The following AFMID variants were observed in gnomAD, a reference collection of about 807,000 sequenced individuals.
AFMID encodes kynurenine formamidase.
In AFMID, 39 loss-of-function variants were observed where a neutral mutation model predicts 47.5. The ratio of observed to expected loss-of-function variants is 0.82; its 90% confidence interval spans 0.64 to 1.07. AFMID has a LOEUF of 1.07. Among genes scored for constraint, AFMID ranks in the 50% least tolerant of loss-of-function variants. The probability of loss-of-function intolerance (pLI) is 0.00; values close to 1 mark genes in which losing one functional copy is unlikely to be tolerated. For synonymous variants in AFMID, 130 were observed against 153.2 expected (o/e 0.85, Z 1.12); for missense variants, 375 against 387.5 (o/e 0.97, Z 0.27).
intron 2 of AFMID, chr17:78,197,366 A>T: frequency 1.5e-6 from 1 of 659,540 alleles, no homozygotes; most frequent in Non-Finnish European, 2.6e-6. Flanking sequence ...GTGGTATGGT[A>T]ATGGATGTAC....
rs753984885 is a variant in AFMID, at chr17:78,207,056, GTGTC to G, written c.*126_*129del. The G allele has an allele frequency of 3.7e-6, 4 of 1,083,726 alleles. No individual in the cohort carries two copies. The highest frequency in any genetic ancestry group is 2.4e-5 in the East Asian group (1 of 42,270). 67.1% of individuals were successfully genotyped at this position (1,083,726 alleles called of 1,614,324 possible). ...CCCCAGCACCCAGGAGAGCCTTGCT[GTGTC>G]TGTCTGCCCGGCAAGAGTCCATTCT... On this transcript the variant is annotated 3_prime_UTR_variant, in exon 11 of 11. Coordinates refer to ENST00000409257, the MANE Select transcript of AFMID (RefSeq NM_001010982.5).
Position 78,190,972 on chromosome 17 carries a change from G to T in AFMID, c.66G>T (p.Glu22Asp). 2 of 1,613,652 alleles carry T rather than the reference G, an allele frequency of 1.2e-6. No individual in the cohort carries two copies. Among genetic ancestry groups the T allele is most frequent in the Non-Finnish European group, 1.7e-6 (2 of 1,179,922 alleles). Reference protein sequence around the residue: ...KVPWKKMSAEELENQYCPSRW... With the variant: ...KVPWKKMSAEDLENQYCPSRW... The stretch of plus-strand genomic sequence containing the variant: ...AGCCTCATGTTTGTGCCCTGCAGGA[G>T]CTGGAGAATCAGTACTGTCCCAGCC... Residue 22 changes from glutamate to aspartate, a missense_variant and splice_region_variant, in exon 2 of 11, where the codon GAG becomes GAT. Coordinates refer to ENST00000409257, the MANE Select transcript of AFMID (RefSeq NM_001010982.5).
intron 2 of AFMID, among the ~76,000 whole-genome samples, chr17:78,198,899 C>T (rs2145864831): frequency 6.6e-6 from 1 of 152,264 alleles, no homozygotes; most frequent in Admixed American, 6.6e-5. Context: ...TGCCCAGTTC[C>T]CCTGGCCCCC....
intron 2 of AFMID, among the ~76,000 whole-genome samples, chr17:78,198,631 C>T (rs1319104579): frequency 8.3e-6 from 1 of 119,786 alleles, no homozygotes; most frequent in African/African-American, 4.1e-5. Flanking sequence ...AAGAGCAAAG[C>T]TCTGTCTCAA....
intron 4 of AFMID, chr17:78,204,130 C>CT (rs1286843673): frequency 6.9e-5 from 11 of 159,888 alleles, no homozygotes; most frequent in African/African-American, 2.7e-4. Flanking sequence ...ATAATTGCCT[C>CT]TATTTTACAG....
intron 2 of AFMID, among the ~76,000 whole-genome samples, chr17:78,201,260 C>T (rs2076235645): frequency 6.6e-6 from 1 of 150,666 alleles, no homozygotes; most frequent in Admixed American, 6.6e-5. Flanking sequence ...CACCACTGCA[C>T]TCCAGCCTGG....
chr17:78,199,668 C>A (rs867608799), intron 2 of AFMID, among the ~76,000 whole-genome samples: 1 of 120,544 alleles, frequency 8.3e-6, no homozygotes, highest in Non-Finnish European at 1.6e-5. Context: ...CCGCCGCGCC[C>A]GGCCAGGCTT....
intron 2 of AFMID, among the ~76,000 whole-genome samples, chr17:78,199,022 G>A (rs1011495064): frequency 1.3e-5 from 2 of 152,186 alleles, no homozygotes; most frequent in African/African-American, 4.8e-5. Flanking sequence ...ATTTCTTGGA[G>A]ATGTTTCCTC....
intron 2 of AFMID, among the ~76,000 whole-genome samples, chr17:78,193,550 GAA>G: frequency 7.3e-6 from 1 of 137,890 alleles, no homozygotes; most frequent in African/African-American, 2.7e-5. Flanking sequence ...GATTAAAAAG[GAA>G]AAAAAAAAAA....
intron 1 of AFMID, among the ~76,000 whole-genome samples, chr17:78,190,074 G>T (rs561985883): frequency 5.5e-5 from 8 of 145,292 alleles, no homozygotes; most frequent in Non-Finnish European, 7.5e-5. Flanking sequence ...TCGTGATCCC[G>T]CCTCCGCCTC....
At chr17:78,200,194 C>T (rs1183934939) in intron 2 of AFMID, among the ~76,000 whole-genome samples, 8 of 151,986 alleles carry the variant, frequency 5.3e-5, no homozygotes, top group Non-Finnish European at 8.8e-5. Flanking sequence ...CTTGCTCTGT[C>T]GCCCAGGCTG....
chr17:78,191,415 G>A lies in AFMID; in HGVS notation c.154+355G>A, dbSNP rs533295193. 5.3e-5 allele frequency among the ~76,000 whole-genome samples: 8 copies of A among 152,288 alleles called. No individual in the cohort carries two copies. In the South Asian group the frequency reaches 1.7e-3, roughly 32 times the overall value. On this transcript the variant is annotated intron_variant, in intron 2 of 10. Transcript: ENST00000409257. The stretch of plus-strand genomic sequence containing the variant: ...CATCCGCTGCTGAATGTGGAATGCG[G>A]TCACTATTCCTAAAAAGCAATACTT...
rs746313717 is a variant in AFMID, at chr17:78,205,504, T to C, written c.630T>C (p.Ala210=). ...TCGTGTATACTTCACAGAACGTTGC[T>C]CTCCAGCTGACCCTGTGAGTTACTT... ...EPIVYTSQNV[A]LQLTLEDAQR... The change falls in exon 8 of 11, where the codon GCT becomes GCC. Residue 210 remains alanine, a synonymous_variant. Coordinates refer to ENST00000409257, the MANE Select transcript of AFMID (RefSeq NM_001010982.5). 1 of 1,614,144 alleles carries C rather than the reference T, an allele frequency of 6.2e-7. No individual in the cohort carries two copies. The highest frequency in any genetic ancestry group is 8.5e-7 in the Non-Finnish European group (1 of 1,180,014).
At chr17:78,194,509 G>A (rs753709916) in intron 2 of AFMID, among the ~76,000 whole-genome samples, 2 of 152,090 alleles carry the variant, frequency 1.3e-5, no homozygotes, top group Non-Finnish European at 1.5e-5. Context: ...AGGGATGTTC[G>A]CTTTTAATGA....
At chr17:78,204,471 C>G (rs1488694513) in intron 4 of AFMID, among the ~76,000 whole-genome samples, 185 bp from the exon 5 acceptor site, 1 of 152,150 alleles carries the variant, frequency 6.6e-6, no homozygotes, top group Admixed American at 6.6e-5. Flanking sequence ...GAAGTTCCCC[C>G]AAGGTCCCGT....
At chr17:78,191,169 G>A in intron 2 of AFMID, 109 bp downstream of exon 2, 2 of 933,610 alleles carry the variant, frequency 2.1e-6, no homozygotes, top group South Asian at 3.0e-5. Flanking sequence ...GGCCTCGAGG[G>A]GCATTTCCCA....
At position 78,187,409 on chromosome 17, in the gene AFMID, T is replaced by G. The variant is rs756545065; in HGVS notation, c.39T>G (p.Val13=). Residue 13 remains valine, a synonymous_variant, in exon 1 of 11, where the codon GTT becomes GTG. Coordinates refer to ENST00000409257, the MANE Select transcript of AFMID (RefSeq NM_001010982.5). ...CTGGTGTGGGTTTCCCAAGCAAGGTTCCTTGGAAGAAGATGTCTGCAGAGG... is the reference window on the plus strand; with the variant it reads ...CTGGTGTGGGTTTCCCAAGCAAGGTGCCTTGGAAGAAGATGTCTGCAGAGG... ...DVSGVGFPSK[V]PWKKMSAEEL... The G allele has an allele frequency of 2.5e-6, 4 of 1,613,784 alleles. No individual in the cohort carries two copies. The highest frequency in any genetic ancestry group is 3.4e-6 in the Non-Finnish European group (4 of 1,179,954).
intron 1 of AFMID, among the ~76,000 whole-genome samples, chr17:78,190,188 T>C (rs2075926777): frequency 6.6e-6 from 1 of 151,882 alleles, no homozygotes. Flanking sequence ...CTTGTTACTT[T>C]CTGCATAAAG....
At chr17:78,192,604 G>A (rs935689940) in intron 2 of AFMID, 5 of 470,516 alleles carry the variant, frequency 1.1e-5, no homozygotes, top group Middle Eastern at 3.2e-4. Flanking sequence ...ATGAGCCACC[G>A]TGCCTGGACT....
Sources: gnomAD v4.1 joint callset for allele counts (sites outside exome capture counted in the v4.1 genomes callset) on GRCh38, gnomAD v4.1.1 for gene constraint, MANE v1.5 for transcripts, NCBI Gene and HGNC (gene_info 2026-07-23, HGNC 2026-07-21) for gene names.